The following TMEM184B variants were observed in gnomAD, a reference collection of about 807,000 sequenced individuals.
The protein encoded by TMEM184B is transmembrane protein 184B.
Under a neutral mutation model 41.8 loss-of-function variants are expected in TMEM184B, and 17 were observed. That is an observed-to-expected ratio of 0.41 (90% CI 0.28 to 0.61). The LOEUF is 0.61. Ranked by LOEUF, TMEM184B falls within the 20% of genes least tolerant of loss-of-function variation. TMEM184B has a pLI of 0.34. For missense variants in TMEM184B, 393 were observed against 557.8 expected (o/e 0.70, Z 2.98); for synonymous variants, 240 against 229.5 (o/e 1.05, Z -0.41).
chr22:38,243,043 G>A (rs1454999711), intron 3 of TMEM184B, among the ~76,000 whole-genome samples: 1 of 120,242 alleles, frequency 8.3e-6, no homozygotes. Context: ...GCCTGGCAAC[G>A]GTCTCAAAAA....
Position 38,220,329 on chromosome 22 carries a change from G to A in TMEM184B, c.*1140C>T. The A allele has an allele frequency of 3.0e-6, 3 of 986,306 alleles. No individual in the cohort carries two copies. Among genetic ancestry groups the A allele is most frequent in the Non-Finnish European group, 3.6e-6 (3 of 830,310 alleles). The allele number at this position is 986,306 out of a possible 1,614,324, so 61.1% of individuals were successfully genotyped here. Reference sequence around the variant, plus strand: ...CAGCAGCTGAACTAAGAGCCCCAGGGAGCGTGTGGGACAGATGGGGAGCCA... The same window carrying A: ...CAGCAGCTGAACTAAGAGCCCCAGGAAGCGTGTGGGACAGATGGGGAGCCA... On this transcript the variant is annotated 3_prime_UTR_variant, in exon 9 of 9. Coordinates refer to ENST00000361906, the MANE Select transcript of TMEM184B (RefSeq NM_012264.5).
Position 38,221,003 on chromosome 22 carries a change from G to C in TMEM184B, c.*466C>G. 1.0e-6 allele frequency: 1 copy of C among 1,000,246 alleles called. No individual in the cohort carries two copies. The highest frequency in any genetic ancestry group is 1.1e-4 in the East Asian group (1 of 9,204). The allele number at this position is 1,000,246 out of a possible 1,614,324, so 62.0% of individuals were successfully genotyped here. A position where few individuals can be genotyped will look rare whatever the true frequency, so the allele number is the denominator to read the frequency against. On this transcript the variant is annotated 3_prime_UTR_variant, in exon 9 of 9. Transcript: ENST00000361906. ...GAGGTGAATCTAGCACTGGACAAAG[G>C]TGGACAGGGGAGGGATGCAGGCGGG...
rs1374925033 is a variant in TMEM184B, at chr22:38,273,008, A to G, written c.-183T>C. 5.8e-6 allele frequency: 1 copy of G among 172,732 alleles called. No homozygotes were observed. Among genetic ancestry groups the G allele is most frequent in the Non-Finnish European group, 1.1e-5 (1 of 87,714 alleles). The allele number at this position is 172,732 out of a possible 1,614,324, so 10.7% of individuals were successfully genotyped here. A position where few individuals can be genotyped will look rare whatever the true frequency, so the allele number is the denominator to read the frequency against. On this transcript the variant is annotated 5_prime_UTR_variant, in exon 1 of 9. Coordinates refer to ENST00000361906, the MANE Select transcript of TMEM184B (RefSeq NM_012264.5). ...CGCCGGCGCGTCCCGGGCCCAGTGG[A>G]GTGCAGCCGCGGCGCGCATGCGCTC...
rs5757000 is a variant in TMEM184B, at chr22:38,260,747, G to A, written c.-59+12137C>T. ...CCATTGCTCTCCCACTTCCTCCTTC[G>A]GCCAGCCTGGGATTTCATGCTCCCA... is the stretch of plus-strand genomic sequence containing the variant. On this transcript the variant is annotated intron_variant, in intron 1 of 8. Transcript: ENST00000361906. 3.0e-3 allele frequency among the ~76,000 whole-genome samples: 450 copies of A among 152,256 alleles called. 5 individuals are homozygous for A. The highest frequency in any genetic ancestry group is 0.028 in the East Asian group (143 of 5,174).
intron 5 of TMEM184B, among the ~76,000 whole-genome samples, chr22:38,229,182 G>A (rs1353450444): frequency 6.6e-6 from 1 of 152,264 alleles, no homozygotes; most frequent in East Asian, 1.9e-4. Flanking sequence ...TGACTTGGCT[G>A]TGGGTTTCAT....
At chr22:38,256,121 C>T (rs898175832) in intron 1 of TMEM184B, among the ~76,000 whole-genome samples, 3 of 151,978 alleles carry the variant, frequency 2.0e-5, no homozygotes, top group Admixed American at 6.6e-5. Context: ...GAGTCCAAGG[C>T]GGGTGGATCA....
chr22:38,237,027 C>T lies in TMEM184B; in HGVS notation c.359-5693G>A, dbSNP rs538807971. On this transcript the variant is annotated intron_variant, in intron 3 of 8. Transcript: ENST00000361906. ...TCCTCTACTGGCTTCTTCTGAATGG[C>T]CTTCTTTCCTATTGGCAGCTCCTTG... 3.3e-5 allele frequency among the ~76,000 whole-genome samples: 5 copies of T among 152,254 alleles called. No homozygotes were observed. The South Asian group carries it at 1.0e-3, about 32-fold the overall frequency.
At chr22:38,254,251 C>T (rs1248535527) in intron 1 of TMEM184B, among the ~76,000 whole-genome samples, 1 of 147,492 alleles carries the variant, frequency 6.8e-6, no homozygotes, top group Non-Finnish European at 1.5e-5. Context: ...ACCAAACAAT[C>T]CCACTTGAAA....
intron 3 of TMEM184B, among the ~76,000 whole-genome samples, chr22:38,236,733 G>A (rs182271553): frequency 2.6e-5 from 4 of 152,126 alleles, no homozygotes; most frequent in East Asian, 3.9e-4. Flanking sequence ...CAAGTGATCC[G>A]CTGGTCTCAG....
At chr22:38,223,555 G>C (rs1243984811) in intron 8 of TMEM184B, 1 of 152,606 alleles carries the variant, frequency 6.6e-6, no homozygotes, top group Non-Finnish European at 1.5e-5. Context: ...GAGCCCCGCT[G>C]CAGGCAGACA....
intron 1 of TMEM184B, among the ~76,000 whole-genome samples, chr22:38,263,521 T>C (rs371758563): frequency 7.9e-5 from 12 of 152,304 alleles, no homozygotes; most frequent in African/African-American, 2.9e-4. Context: ...CGGTATCCCA[T>C]GTTTAGACGG....
chr22:38,225,085 AGCAGGGCCACAGCTGCTCCTGCAGG>A lies in TMEM184B; in HGVS notation c.788-131_788-107del. On this transcript the variant is annotated intron_variant, in intron 7 of 8. Coordinates refer to ENST00000361906, the MANE Select transcript of TMEM184B (RefSeq NM_012264.5). The surrounding 1 kb of genome is among the most constrained non-coding windows in gnomAD (Gnocchi z 4.4). Reference sequence around the variant, plus strand: ...GCCCACATGCCCCAGTGAGGATGTGAGCAGGGCCACAGCTGCTCCTGCAGGGCAGGGGTAGCGACACAAGGCCACA... The same window carrying A: ...GCCCACATGCCCCAGTGAGGATGTGAGCAGGGGTAGCGACACAAGGCCACA... The A allele has an allele frequency of 1.6e-5, 21 of 1,285,922 alleles. No homozygotes were observed. The highest frequency in any genetic ancestry group is 2.5e-5 in the Admixed American group (1 of 39,646). 79.7% of individuals were successfully genotyped at this position (1,285,922 alleles called of 1,614,324 possible). A position where few individuals can be genotyped will look rare whatever the true frequency, so the allele number is the denominator to read the frequency against.
At position 38,246,000 on chromosome 22, in the gene TMEM184B, C is replaced by T. The variant is rs1053349039; in HGVS notation, c.293G>A (p.Ser98Asn). Residue 98 changes from serine (S) to asparagine (N), a missense_variant, in exon 3 of 9, where the codon AGC (serine) becomes AAC (asparagine). This residue lies in a region of TMEM184B where 271 missense variants were observed against 434.1 expected (regional missense o/e 0.62). Transcript: ENST00000361906. ...VPIYAFDSWLSLLFFTNDQYY... is the reference protein window; with the variant it reads ...VPIYAFDSWLNLLFFTNDQYY... ...CTGGTCGTTGGTGAAGAAGAGGAGG[C>T]TGAGCCAGGAGTCAAAGGCGTAGAT... 1 of 1,610,194 alleles carries T rather than the reference C, an allele frequency of 6.2e-7. No individual in the cohort carries two copies.
At chr22:38,231,483 G>T (rs2091620003) in intron 3 of TMEM184B, 149 bp from the exon 4 acceptor site, 2 of 749,360 alleles carry the variant, frequency 2.7e-6, no homozygotes, top group African/African-American at 1.7e-5. Flanking sequence ...TGCAAAAGGA[G>T]CCCGTCAAGA....
intron 1 of TMEM184B, among the ~76,000 whole-genome samples, chr22:38,252,696 T>C (rs2092193997): frequency 6.6e-6 from 1 of 152,178 alleles, no homozygotes; most frequent in Admixed American, 6.5e-5. Context: ...ACCAGGCTTC[T>C]GCTGTGAGTC....
In TMEM184B at chr22:38,220,221, G is replaced by C. The variant is rs1191755296; in HGVS notation, c.*1248C>G. 4.1e-6 allele frequency: 4 copies of C among 985,888 alleles called. No homozygotes were observed. The highest frequency in any genetic ancestry group is 4.8e-6 in the Non-Finnish European group (4 of 830,060). The allele number at this position is 985,888 out of a possible 1,614,324, so 61.1% of individuals were successfully genotyped here. A position where few individuals can be genotyped will look rare whatever the true frequency, so the allele number is the denominator to read the frequency against. ...CCCCAGGTCTAGAGGTGTGGAGGGG[G>C]AGAGGAGGGGCTTGGTGGTCCTGAC... On this transcript the variant is annotated 3_prime_UTR_variant, in exon 9 of 9. Transcript: ENST00000361906.
Position 38,230,705 on chromosome 22 carries a change from C to A in TMEM184B, c.489G>T (p.Lys163Asn). The A allele has an allele frequency of 6.2e-7, 1 of 1,612,482 alleles. No homozygotes were observed. The highest frequency in any genetic ancestry group is 1.7e-5 in the Admixed American group (1 of 59,670). ...CMYGTCCLWGKTYSIGFLRFC... is the reference protein window; with the variant it reads ...CMYGTCCLWGNTYSIGFLRFC... ...ACCTCAGAAATCCGATGGAATAAGT[C>A]TTTCCCCAGAGGCAGCAGGTGCCAT... is the stretch of plus-strand genomic sequence containing the variant. The change falls in exon 5 of 9, where the codon AAG becomes AAT. Residue 163 changes from lysine to asparagine, a missense_variant. Physicochemically the swap from Lys to Asn is moderately conservative, Grantham distance 94 (BLOSUM62 0). Around this residue, in one of 2 missense-constraint regions of TMEM184B, gnomAD observed 271 missense variants for 434.1 expected, o/e 0.62. Transcript: ENST00000361906.
At chr22:38,262,720 G>A (rs1260432797) in intron 1 of TMEM184B, among the ~76,000 whole-genome samples, 2 of 152,268 alleles carry the variant, frequency 1.3e-5, no homozygotes, top group East Asian at 1.9e-4. Context: ...GGCCGGGACC[G>A]GGGGTCGTAT....
At chr22:38,218,665 C>T (rs1473591955), downstream of TMEM184B, among the ~76,000 whole-genome samples, 2 of 152,212 alleles carry the variant, frequency 1.3e-5, no homozygotes, top group African/African-American at 4.8e-5. Flanking sequence ...TCGGTGCTTT[C>T]CCTGCCAAGC....
Sources: gnomAD v4.1 joint callset for allele counts (sites outside exome capture counted in the v4.1 genomes callset) on GRCh38, gnomAD v4.1.1 for gene constraint, gnomAD v4.1.1 regional missense constraint, Gnocchi (gnomAD v3.1) non-coding constraint, MANE v1.5 for transcripts, NCBI Gene and HGNC (gene_info 2026-07-23, HGNC 2026-07-21) for gene names.